Variants in SENP8 observed in about 807,000 individuals in gnomAD.
SENP8 encodes the protein SUMO peptidase family member, NEDD8 specific, also known as sentrin-specific protease 8.
In SENP8, 10 loss-of-function variants were observed where a neutral mutation model predicts 14.4. The observed-to-expected ratio is 0.69, with a 90% CI of 0.43 to 1.18. SENP8 has a LOEUF of 1.18. Ranked by LOEUF, SENP8 falls within the 50% of genes most tolerant of loss-of-function variation. The pLI is 0.00. For missense variants in SENP8, 202 were observed against 249.4 expected, an observed-to-expected ratio of 0.81 and a Z score of 1.28; for synonymous variants, 94 against 95.5, an observed-to-expected ratio of 0.98 and a Z score of 0.09.
intron 1 of SENP8, among the ~76,000 whole-genome samples, chr15:72,124,327 T>C (rs184873297): frequency 6.6e-5 from 10 of 152,300 alleles, no homozygotes; most frequent in Admixed American, 4.6e-4. Context: ...AAGAGGGTTA[T>C]ATAATAAATC....
At chr15:72,129,878 A>G (rs1408868526) in intron 1 of SENP8, among the ~76,000 whole-genome samples, 1 of 151,912 alleles carries the variant, frequency 6.6e-6, no homozygotes. Context: ...TGAAACAGCA[A>G]TAACACCTCC....
chr15:72,130,783 G>A (rs568185601), intron 1 of SENP8, among the ~76,000 whole-genome samples: 4 of 151,990 alleles, frequency 2.6e-5, no homozygotes, highest in South Asian at 4.2e-4. Flanking sequence ...GGCCAGTCTC[G>A]AACTCCCGAC....
chr15:72,119,531 G>T (rs1257741137), intron 1 of SENP8, among the ~76,000 whole-genome samples: 1 of 152,072 alleles, frequency 6.6e-6, no homozygotes, highest in East Asian at 1.9e-4. Context: ...GGTGGATCAC[G>T]AGGTCAAGAG....
In SENP8 at chr15:72,139,986, T is replaced by C. The variant is rs778099274; in HGVS notation, c.363T>C (p.His121=). Residue 121 remains histidine, a synonymous_variant, in exon 2 of 2, where the codon CAT becomes CAC. Transcript: ENST00000340912. ...ATAGCTTTTTTCATTATGATTCCCA[T>C]AGCAGGAGCAACTCAGTTCACGCAA... ...DKNSFFHYDS[H]SRSNSVHAKQ... 1.9e-6 allele frequency: 3 copies of C among 1,614,096 alleles called. No individual in the cohort carries two copies. Among genetic ancestry groups the C allele is most frequent in the Admixed American group, 3.3e-5 (2 of 60,008 alleles).
chr15:72,138,404 C>T (rs1456253599), intron 1 of SENP8, among the ~76,000 whole-genome samples: 2 of 149,484 alleles, frequency 1.3e-5, no homozygotes, highest in Non-Finnish European at 3.0e-5. Context: ...GGCTGGAGCG[C>T]AATGGCATGA....
chr15:72,140,469 A>G lies in SENP8; in HGVS notation c.*207A>G, dbSNP rs566436863. ...GGGGAGCAATATGTTCTGTGAAAAT[A>G]TCTTGAAATTGTACACCAAAACCTT... On this transcript the variant is annotated 3_prime_UTR_variant, in exon 2 of 2. Coordinates refer to ENST00000340912, the MANE Select transcript of SENP8 (RefSeq NM_145204.4). The G allele has an allele frequency of 2.4e-3, 1,331 of 556,504 alleles. 4 individuals carry two copies. Among genetic ancestry groups the G allele is most frequent in the Non-Finnish European group, 3.9e-3 (1,193 of 307,518 alleles). 34.5% of individuals were successfully genotyped at this position (556,504 alleles called of 1,614,324 possible).
intron 1 of SENP8, among the ~76,000 whole-genome samples, chr15:72,127,325 T>A (rs1356563169): frequency 6.6e-6 from 1 of 152,198 alleles, no homozygotes; most frequent in Non-Finnish European, 1.5e-5. Context: ...ATTAGAGTGA[T>A]AGTAACTGGT....
intron 1 of SENP8, among the ~76,000 whole-genome samples, chr15:72,128,431 GTAAT>G (rs2081241152): frequency 6.6e-6 from 1 of 152,170 alleles, no homozygotes; most frequent in South Asian, 2.1e-4. Context: ...TCAGCTATAG[GTAAT>G]TATTAGACTG....
intron 1 of SENP8, among the ~76,000 whole-genome samples, chr15:72,120,620 A>G (rs1309991363): frequency 6.6e-6 from 1 of 152,228 alleles, no homozygotes; most frequent in Non-Finnish European, 1.5e-5. Flanking sequence ...TTAAATATAT[A>G]AAATAGAATA....
chr15:72,114,815 C>A (rs1262623690), upstream of SENP8, among the ~76,000 whole-genome samples: 1 of 152,138 alleles, frequency 6.6e-6, no homozygotes, highest in Non-Finnish European at 1.5e-5. Flanking sequence ...TCTGAAAAGT[C>A]TTTGACTAAT....
chr15:72,137,158 C>A (rs370603089), intron 1 of SENP8, among the ~76,000 whole-genome samples: 14 of 152,150 alleles, frequency 9.2e-5, no homozygotes, highest in African/African-American at 3.4e-4. Context: ...ACTTTTTAAA[C>A]TCTTTTAGTA....
chr15:72,129,324 G>A (rs919395525), intron 1 of SENP8, among the ~76,000 whole-genome samples: 4 of 151,914 alleles, frequency 2.6e-5, no homozygotes, highest in African/African-American at 9.7e-5. Flanking sequence ...GAGCCAAGGA[G>A]TTCAAGACGG....
intron 1 of SENP8, among the ~76,000 whole-genome samples, chr15:72,121,936 T>G (rs956076643): frequency 2.6e-5 from 4 of 152,234 alleles, no homozygotes; most frequent in African/African-American, 9.6e-5. Flanking sequence ...AATAAAGCAA[T>G]GGCCTTACCA....
At chr15:72,117,913 AC>A (rs2081061421), upstream of SENP8, 3 of 397,958 alleles carry the variant, frequency 7.5e-6, no homozygotes, top group Middle Eastern at 1.3e-3. Context: ...CCCCCGCCGC[AC>A]CCCGCCCAGA....
In SENP8 at chr15:72,138,949, AGT is replaced by A. The variant is rs1298330866; in HGVS notation, c.-47-624_-47-623del. On this transcript the variant is annotated intron_variant, in intron 1 of 1. Coordinates refer to ENST00000340912, the MANE Select transcript of SENP8 (RefSeq NM_145204.4). ...CACTGCACTCCAATCTGGGCGACAGAGTGTGACTCCATCTCAAAAAAAAAAAA... is the reference window on the plus strand; with the variant it reads ...CACTGCACTCCAATCTGGGCGACAGAGTGACTCCATCTCAAAAAAAAAAAA... Among the ~76,000 whole-genome samples, 20 of 139,024 alleles carry A rather than the reference AGT, an allele frequency of 1.4e-4. No individual in the cohort carries two copies. The East Asian group carries it at 4.5e-3, about 31-fold the overall frequency. The allele number at this position is 139,024 out of a possible 152,430, so 91.2% of individuals were successfully genotyped here. A position where few individuals can be genotyped will look rare whatever the true frequency, so the allele number is the denominator to read the frequency against.
At chr15:72,115,736 C>T (rs1397005154), upstream of SENP8, among the ~76,000 whole-genome samples, 1 of 152,224 alleles carries the variant, frequency 6.6e-6, no homozygotes, top group East Asian at 1.9e-4. Context: ...CAGCTAGTCA[C>T]ACTGTGGAAG....
intron 1 of SENP8, chr15:72,134,875 CA>C (rs1235293396): frequency 1.1e-5 from 3 of 281,760 alleles, no homozygotes; most frequent in African/African-American, 6.8e-5. Flanking sequence ...TGTAAGCAAA[CA>C]AGGGCCAGAT....
chr15:72,128,986 G>T (rs1040562281), intron 1 of SENP8, among the ~76,000 whole-genome samples: 6 of 152,162 alleles, frequency 3.9e-5, no homozygotes, highest in Middle Eastern at 3.4e-3. Flanking sequence ...AATGAGTAAA[G>T]GTCACAATTC....
chr15:72,142,021 G>A lies in SENP8; in HGVS notation c.*1759G>A, dbSNP rs1303720215. ...GCAAAGTATGTTTATTTAAATATCA[G>A]AGTATCTTCAATCTGAGAATTAAAG... On this transcript the variant is annotated 3_prime_UTR_variant, in exon 2 of 2. Coordinates refer to ENST00000340912, the MANE Select transcript of SENP8 (RefSeq NM_145204.4). 2 of 152,188 alleles carry A rather than the reference G, an allele frequency of 1.3e-5. No homozygotes were observed. Among genetic ancestry groups the A allele is most frequent in the African/African-American group, 4.8e-5 (2 of 41,442 alleles). 9.4% of individuals were successfully genotyped at this position (152,188 alleles called of 1,614,324 possible).
Sources: gnomAD v4.1 joint callset for allele counts (sites outside exome capture counted in the v4.1 genomes callset) on GRCh38, gnomAD v4.1.1 for gene constraint, MANE v1.5 for transcripts, NCBI Gene and HGNC (gene_info 2026-07-23, HGNC 2026-07-21) for gene names.